Variants in PIAS1 observed in about 807,000 individuals in gnomAD.
PIAS1 encodes the protein E3 SUMO-protein ligase PIAS1.
Under a neutral mutation model 71.3 loss-of-function variants are expected in PIAS1, and 6 were observed. That is an observed-to-expected ratio of 0.08 (90% CI 0.05 to 0.17). The LOEUF (loss-of-function observed/expected upper bound fraction) is 0.17, where lower values mean the gene tolerates loss of function less well. PIAS1 is among the 10% of genes least tolerant of loss of function. PIAS1 has a pLI of 1.00. For missense variants in PIAS1, 555 were observed against 793.6 expected (o/e 0.70, Z 3.61); for synonymous variants, 303 against 292.9 (o/e 1.03, Z -0.35).
chr15:68,182,425 AGTGTGTGTGTGTGT>A (rs10532167), intron 12 of PIAS1, among the ~76,000 whole-genome samples: 27 of 123,334 alleles, frequency 2.2e-4, no homozygotes, highest in African/African-American at 4.3e-4. Context: ...AGTTACAGCT[AGTGTGTGTGTGTGT>A]GTGTGTGTGT....
intron 12 of PIAS1, chr15:68,181,915 C>G (rs2141101687): frequency 6.5e-6 from 1 of 152,968 alleles, no homozygotes; most frequent in Middle Eastern, 3.4e-3. Flanking sequence ...TCGTGGTCCT[C>G]CTGCCTCGGC....
intron 1 of PIAS1, among the ~76,000 whole-genome samples, chr15:68,056,722 G>A (rs1185162288): frequency 6.6e-6 from 1 of 151,832 alleles, no homozygotes; most frequent in African/African-American, 2.4e-5. Flanking sequence ...GGGTGGAGGA[G>A]GTGATCTCAG....
intron 2 of PIAS1, among the ~76,000 whole-genome samples, chr15:68,113,640 C>T (rs762960902): frequency 7.9e-5 from 12 of 152,060 alleles, no homozygotes; most frequent in Non-Finnish European, 1.6e-4. Context: ...CAGCTACTAA[C>T]TCAGTAAACT....
intron 1 of PIAS1, among the ~76,000 whole-genome samples, chr15:68,071,001 C>A (rs1410677940): frequency 1.3e-5 from 2 of 151,932 alleles, no homozygotes; most frequent in Non-Finnish European, 2.9e-5. Flanking sequence ...ATTGTATTTC[C>A]TTTGAACAGC....
chr15:68,123,378 A>G (rs756679067), intron 2 of PIAS1, among the ~76,000 whole-genome samples: 54 of 152,056 alleles, frequency 3.6e-4, no homozygotes, highest in Non-Finnish European at 1.0e-4. Flanking sequence ...AATTCTACAT[A>G]CCCTCTTACA....
At chr15:68,118,274 T>C (rs138196097) in intron 2 of PIAS1, among the ~76,000 whole-genome samples, 20 of 151,566 alleles carry the variant, frequency 1.3e-4, no homozygotes, top group Non-Finnish European at 2.2e-4. Flanking sequence ...TGAGCCAAGA[T>C]TGCGCCACTA....
Position 68,086,799 on chromosome 15 carries a change from T to G in PIAS1, c.469+49T>G, listed in dbSNP as rs1231131678. On this transcript the variant is annotated intron_variant, in intron 2 of 13. Coordinates refer to ENST00000249636, the MANE Select transcript of PIAS1 (RefSeq NM_016166.3). The surrounding 1 kb of genome is among the most constrained non-coding windows in gnomAD (Gnocchi z 7.2). Reference sequence around the variant, plus strand: ...TTGGTTACTTTTGCAGGATGAATTTTCGTTTTAGGCTTTTACTTTGACCCA... The same window carrying G: ...TTGGTTACTTTTGCAGGATGAATTTGCGTTTTAGGCTTTTACTTTGACCCA... 1.6e-6 allele frequency: 2 copies of G among 1,235,664 alleles called. No homozygotes were observed. Among genetic ancestry groups the G allele is most frequent in the African/African-American group, 1.5e-5 (1 of 66,718 alleles). 76.5% of individuals were successfully genotyped at this position (1,235,664 alleles called of 1,614,324 possible).
intron 6 of PIAS1, among the ~76,000 whole-genome samples, chr15:68,151,681 A>C (rs1362047265): frequency 9.1e-5 from 1 of 10,978 alleles, no homozygotes; most frequent in Admixed American, 1.4e-3. Flanking sequence ...ACAAAAAAAC[A>C]AAACACACAC....
chr15:68,107,022 C>A (rs1300439279), intron 2 of PIAS1, among the ~76,000 whole-genome samples: 1 of 152,126 alleles, frequency 6.6e-6, no homozygotes, highest in Non-Finnish European at 1.5e-5. Flanking sequence ...ACCCTTTGTA[C>A]TTCCTAGAGT....
intron 2 of PIAS1, among the ~76,000 whole-genome samples, chr15:68,131,602 T>C (rs1408430099): frequency 6.6e-6 from 1 of 152,224 alleles, no homozygotes; most frequent in Non-Finnish European, 1.5e-5. Context: ...AGTATTTGTC[T>C]TTCTGTATTT....
chr15:68,132,140 C>G (rs976451727), intron 2 of PIAS1, among the ~76,000 whole-genome samples: 2 of 151,636 alleles, frequency 1.3e-5, no homozygotes, highest in Non-Finnish European at 2.9e-5. Context: ...GGGCTAAACT[C>G]CCAGACATGT....
At chr15:68,139,978 A>G (rs947275847) in intron 2 of PIAS1, among the ~76,000 whole-genome samples, 4 of 152,168 alleles carry the variant, frequency 2.6e-5, no homozygotes, top group Non-Finnish European at 5.9e-5. Flanking sequence ...AGTTTTATCT[A>G]AAACCAAAAC....
In PIAS1 at chr15:68,100,271, G is replaced by A. The variant is rs1187320844; in HGVS notation, c.469+13521G>A. 3.9e-5 allele frequency among the ~76,000 whole-genome samples: 6 copies of A among 152,142 alleles called. No homozygotes were observed. The East Asian group carries it at 1.2e-3, about 29-fold the overall frequency. ...ACATAACATTGGTACAATACACAGA[G>A]CTTTTCAGATTTTATTAGTTGTATT... On this transcript the variant is annotated intron_variant, in intron 2 of 13. Transcript: ENST00000249636.
chr15:68,154,411 G>C (rs1035552855), intron 7 of PIAS1, among the ~76,000 whole-genome samples: 2 of 152,158 alleles, frequency 1.3e-5, no homozygotes, highest in African/African-American at 4.8e-5. Context: ...CGTGGATTTA[G>C]GAGTGAGGGC....
chr15:68,150,998 C>T (rs1476327097), intron 6 of PIAS1, among the ~76,000 whole-genome samples: 3 of 151,962 alleles, frequency 2.0e-5, no homozygotes, highest in African/African-American at 4.8e-5. Flanking sequence ...GAAATTATCT[C>T]ATGAACTTGA....
chr15:68,181,270 G>T lies in PIAS1; in HGVS notation c.1540G>T (p.Val514Leu). 6.2e-7 allele frequency: 1 copy of T among 1,613,566 alleles called. No individual in the cohort carries two copies. Among genetic ancestry groups the T allele is most frequent in the Non-Finnish European group, 8.5e-7 (1 of 1,179,578 alleles). The change falls in exon 12 of 14, where the codon GTA becomes TTA. Residue 514 changes from valine (V) to leucine (L), a missense_variant. By Grantham distance (32) the Val-to-Leu change is conservative. Around this residue, in one of 5 missense-constraint regions of PIAS1, gnomAD observed 244 missense variants for 307.5 expected, o/e 0.79. Transcript: ENST00000249636. ...PVSRTPSLPA[V>L]DTSYINTSLI... ...ATCCCGCACCCCAAGCCTTCCTGCT[G>T]TAGACACAAGCTACATTAATACCTC...
chr15:68,129,047 A>G (rs1393778211), intron 2 of PIAS1, among the ~76,000 whole-genome samples: 2 of 152,144 alleles, frequency 1.3e-5, no homozygotes, highest in Admixed American at 6.6e-5. Flanking sequence ...TGTAACTTAT[A>G]AATATTAGAG....
chr15:68,121,101 G>A (rs956441321), intron 2 of PIAS1, among the ~76,000 whole-genome samples: 2 of 152,176 alleles, frequency 1.3e-5, no homozygotes, highest in Non-Finnish European at 2.9e-5. Flanking sequence ...CTAATCTGGT[G>A]TTGTTTTCCT....
At chr15:68,143,901 A>G (rs969147270) in intron 4 of PIAS1, among the ~76,000 whole-genome samples, 15 of 152,236 alleles carry the variant, frequency 9.9e-5, no homozygotes, top group African/African-American at 3.1e-4. Flanking sequence ...GCTTAAAGAC[A>G]GGGTCCCAAG....
Sources: allele counts gnomAD v4.1 joint callset (sites outside exome capture counted in the v4.1 genomes callset), GRCh38; gene constraint gnomAD v4.1.1; regional missense constraint gnomAD v4.1.1; non-coding constraint Gnocchi (gnomAD v3.1); transcripts MANE v1.5; gene names NCBI Gene and HGNC (gene_info 2026-07-23, HGNC 2026-07-21).